The following LHFPL3 variants were observed in gnomAD, a reference collection of about 807,000 sequenced individuals.
LHFPL3 encodes LHFPL tetraspan subfamily member 3 protein.
A neutral mutation model predicts 19.3 loss-of-function variants in LHFPL3; 5 were observed. The ratio of observed to expected loss-of-function variants is 0.26; its 90% confidence interval spans 0.14 to 0.54. The LOEUF is 0.54. Among genes scored for constraint, LHFPL3 ranks in the 20% least tolerant of loss-of-function variants. The pLI, the probability that LHFPL3 is intolerant of heterozygous loss-of-function variation, is 0.94. For missense variants in LHFPL3, 249 were observed against 307.4 expected (o/e 0.81, Z 1.42); for synonymous variants, 133 against 126.2 (o/e 1.05, Z -0.36).
intron 2 of LHFPL3, among the ~76,000 whole-genome samples, chr7:104,848,420 C>A (rs1322437519): frequency 6.6e-6 from 1 of 152,136 alleles, no homozygotes; most frequent in Non-Finnish European, 1.5e-5. Context: ...GGTCTTCCCG[C>A]TGATGATGAT....
intron 2 of LHFPL3, among the ~76,000 whole-genome samples, chr7:104,822,492 T>C (rs747237337): frequency 6.6e-6 from 1 of 152,180 alleles, no homozygotes; most frequent in African/African-American, 2.4e-5. Context: ...GTCCTGTGCA[T>C]TGTAGGATGT....
At chr7:104,825,038 C>G (rs1441095462) in intron 2 of LHFPL3, among the ~76,000 whole-genome samples, 1 of 149,850 alleles carries the variant, frequency 6.7e-6, no homozygotes, top group South Asian at 2.1e-4. Context: ...CTAGATTATC[C>G]ATTTCCAACA....
intron 1 of LHFPL3, among the ~76,000 whole-genome samples, chr7:104,718,171 A>G (rs1793425852): frequency 6.6e-6 from 1 of 152,200 alleles, no homozygotes; most frequent in South Asian, 2.1e-4. Flanking sequence ...TTGCCAATCA[A>G]CTGGCATAAA....
chr7:104,444,364 A>T (rs1792286825), intron 1 of LHFPL3, among the ~76,000 whole-genome samples: 1 of 152,200 alleles, frequency 6.6e-6, no homozygotes, highest in African/African-American at 2.4e-5. Context: ...TTGTGATTGC[A>T]CTGAAATCCC....
intron 1 of LHFPL3, among the ~76,000 whole-genome samples, chr7:104,364,540 T>C (rs1790448740): frequency 6.6e-6 from 1 of 152,226 alleles, no homozygotes; most frequent in South Asian, 2.1e-4. Flanking sequence ...ACCAAAATTG[T>C]ACTCTTGTCT....
chr7:104,532,318 C>CTTTTTTTTTTTTTTTTTTTTTTTTTTTT, intron 1 of LHFPL3, among the ~76,000 whole-genome samples: 1 of 87,230 alleles, frequency 1.1e-5, no homozygotes, highest in South Asian at 4.9e-4. Flanking sequence ...TTCTTTCTGT[C>CTTTTTTTTTTTTTTTTTTTTTTTTTTTT]TTTTTTTTTT....
chr7:104,332,946 G>GA (rs3080461), intron 1 of LHFPL3, among the ~76,000 whole-genome samples: 66,119 of 148,104 alleles, frequency 0.45, 15,620 homozygotes, highest in Non-Finnish European at 0.55. Context: ...TCTTCAGAAG[G>GA]AAAAAAAAAA....
At chr7:104,376,074 G>A (rs550288352) in intron 1 of LHFPL3, among the ~76,000 whole-genome samples, 4 of 152,302 alleles carry the variant, frequency 2.6e-5, no homozygotes, top group Admixed American at 2.6e-4. Context: ...GGGAACTACT[G>A]GGTAATATGT....
intron 1 of LHFPL3, among the ~76,000 whole-genome samples, chr7:104,657,640 A>T (rs1271753861): frequency 6.6e-6 from 1 of 152,192 alleles, no homozygotes; most frequent in East Asian, 1.9e-4. Context: ...CTGGATGTAA[A>T]TACTGGTCTG....
intron 1 of LHFPL3, among the ~76,000 whole-genome samples, chr7:104,445,779 A>G (rs550286339): frequency 3.9e-5 from 6 of 152,320 alleles, no homozygotes; most frequent in African/African-American, 7.2e-5. Flanking sequence ...GTCTTTTTAA[A>G]GGGAGTATTG....
intron 1 of LHFPL3, among the ~76,000 whole-genome samples, chr7:104,561,266 A>G (rs548032442): frequency 1.9e-3 from 281 of 148,690 alleles, no homozygotes; most frequent in Non-Finnish European, 3.3e-3. Flanking sequence ...TGATCTGTCT[A>G]ATGTTGACAG....
At chr7:104,482,206 C>T (rs1217123811) in intron 1 of LHFPL3, among the ~76,000 whole-genome samples, 1 of 152,208 alleles carries the variant, frequency 6.6e-6, no homozygotes, top group Non-Finnish European at 1.5e-5. Context: ...CCATTAGCCA[C>T]ATCCTTGCTT....
intron 1 of LHFPL3, among the ~76,000 whole-genome samples, chr7:104,477,506 G>A (rs1365000292): frequency 1.3e-5 from 2 of 152,080 alleles, no homozygotes; most frequent in Non-Finnish European, 2.9e-5. Flanking sequence ...GATGATTAAA[G>A]CAATAATGTG....
intron 1 of LHFPL3, among the ~76,000 whole-genome samples, chr7:104,469,762 T>C (rs1165303889): frequency 6.6e-6 from 1 of 152,182 alleles, no homozygotes; most frequent in Non-Finnish European, 1.5e-5. Flanking sequence ...GAAAAATGGT[T>C]ATCAGAGAAA....
intron 1 of LHFPL3, among the ~76,000 whole-genome samples, 191 bp from the exon 2 acceptor site, chr7:104,736,484 C>T (rs1459547419): frequency 6.7e-6 from 1 of 149,606 alleles, no homozygotes; most frequent in African/African-American, 2.5e-5. Flanking sequence ...ACCAGCAACA[C>T]ACACACGTGC....
chr7:104,881,922 ATTAAT>A (rs1156422762), intron 2 of LHFPL3, among the ~76,000 whole-genome samples: 2 of 152,282 alleles, frequency 1.3e-5, no homozygotes, highest in South Asian at 4.1e-4. Flanking sequence ...AAATTCGTTC[ATTAAT>A]TTATTTTTAA....
At position 104,562,390 on chromosome 7, in the gene LHFPL3, T is replaced by C. The variant is rs575431637; in HGVS notation, c.446-174285T>C. On this transcript the variant is annotated intron_variant, in intron 1 of 2. Transcript: ENST00000424859. ...GGAGGCTTTGCTCATTTCTTTTTAT[T>C]CTTTTTTCTCTAGACTTCCCTTCTC... 2.6e-3 allele frequency among the ~76,000 whole-genome samples: 394 copies of C among 152,310 alleles called. 1 individual carries two copies. The highest frequency in any genetic ancestry group is 3.9e-3 in the Admixed American group (60 of 15,308).
intron 1 of LHFPL3, among the ~76,000 whole-genome samples, chr7:104,497,042 C>A (rs998468109): frequency 2.0e-5 from 3 of 152,088 alleles, no homozygotes; most frequent in Non-Finnish European, 4.4e-5. Context: ...CCTTGTCTTC[C>A]TACCACCAGG....
chr7:104,537,315 C>G (rs958197808), intron 1 of LHFPL3, among the ~76,000 whole-genome samples: 4 of 152,232 alleles, frequency 2.6e-5, no homozygotes, highest in African/African-American at 9.6e-5. Context: ...CCTCCCCCTT[C>G]TGACACTTCC....
Sources: gnomAD v4.1 joint callset for allele counts (sites outside exome capture counted in the v4.1 genomes callset) on GRCh38, gnomAD v4.1.1 for gene constraint, MANE v1.5 for transcripts, NCBI Gene and HGNC (gene_info 2026-07-23, HGNC 2026-07-21) for gene names.